Variants in TENM3 observed in about 807,000 individuals in gnomAD.
The protein encoded by TENM3 is teneurin-3.
TENM3 carries 63 observed loss-of-function variants against 255.1 expected under a neutral mutation model. The ratio of observed to expected loss-of-function variants is 0.25; its 90% confidence interval spans 0.20 to 0.30. The LOEUF (loss-of-function observed/expected upper bound fraction) is 0.30, where lower values mean the gene tolerates loss of function less well. TENM3 is among the 10% of genes least tolerant of loss of function. The pLI is 1.00. For synonymous variants in TENM3, 1,306 were observed against 1,322.3 expected, an observed-to-expected ratio of 0.99 and a Z score of 0.27; for missense variants, 2,929 against 3,461.1, an observed-to-expected ratio of 0.85 and a Z score of 3.86.
chr4:182,210,592 C>T (rs1431167564), intron 1 of TENM3, among the ~76,000 whole-genome samples: 5 of 148,266 alleles, frequency 3.4e-5, no homozygotes, highest in Non-Finnish European at 5.9e-5. Context: ...AGAACTGTCT[C>T]GCTGCCTCCA....
the TENM3 span, among the ~76,000 whole-genome samples, chr4:181,465,564 A>G: frequency 6.6e-6 from 1 of 152,246 alleles, no homozygotes; most frequent in African/African-American, 2.4e-5. Flanking sequence ...ATATGCAAAA[A>G]TAGTTACATA....
Position 182,754,361 on chromosome 4 carries a change from C to A in TENM3, c.4018-24C>A. 1 of 1,550,408 alleles carries A rather than the reference C, an allele frequency of 6.4e-7. No individual in the cohort carries two copies. The highest frequency in any genetic ancestry group is 8.7e-7 in the Non-Finnish European group (1 of 1,145,538). On this transcript the variant is annotated intron_variant, in intron 21 of 27. Coordinates refer to ENST00000511685, the MANE Select transcript of TENM3 (RefSeq NM_001080477.4). The surrounding 1 kb of genome is among the most constrained non-coding windows in gnomAD (Gnocchi z 5.1). ...AACTGTAGTGCAGTAACTTACTAAC[C>A]AGGCCATTTCTTTTTTTATTAAGGT...
intron 1 of TENM3, among the ~76,000 whole-genome samples, chr4:182,298,205 A>G (rs1761617710): frequency 6.6e-6 from 1 of 152,226 alleles, no homozygotes; most frequent in South Asian, 2.1e-4. Context: ...CCACTGAACT[A>G]AAAGCTGCAT....
chr4:181,918,449 A>T, the TENM3 span, among the ~76,000 whole-genome samples: 10 of 152,162 alleles, frequency 6.6e-5, no homozygotes, highest in African/African-American at 2.4e-4. Flanking sequence ...AGTCTACAGG[A>T]AGACTATTTT....
chr4:181,696,608 A>G, the TENM3 span, among the ~76,000 whole-genome samples: 1 of 152,222 alleles, frequency 6.6e-6, no homozygotes, highest in African/African-American at 2.4e-5. Flanking sequence ...ACTAGGTAGA[A>G]TGTTCAAGTA....
At position 182,731,031 on chromosome 4, in the gene TENM3, C is replaced by T; in HGVS notation, c.2859C>T (p.Ser953=). 6.2e-7 allele frequency: 1 copy of T among 1,613,940 alleles called. No homozygotes were observed. Among genetic ancestry groups the T allele is most frequent in the Non-Finnish European group, 8.5e-7 (1 of 1,179,860 alleles). The change falls in exon 16 of 28, where the codon AGC becomes AGT. Residue 953 remains serine, a synonymous_variant. Transcript: ENST00000511685. ...AGAAAGAAGAGAATGACATTCCCAG[C>T]TGTGATCTGAGTGGATTCGTGAGGC... is the stretch of plus-strand genomic sequence containing the variant. The part of the protein sequence containing the change: ...VMKKEENDIP[S]CDLSGFVRPN...
At chr4:182,319,096 T>C (rs1762903921) in intron 1 of TENM3, among the ~76,000 whole-genome samples, 1 of 152,212 alleles carries the variant, frequency 6.6e-6, no homozygotes, top group Non-Finnish European at 1.5e-5. Context: ...GTTTGTTTTT[T>C]TGTTTTTTGT....
At chr4:182,725,337 T>G (rs1040765026) in intron 13 of TENM3, among the ~76,000 whole-genome samples, 3 of 152,194 alleles carry the variant, frequency 2.0e-5, no homozygotes, top group African/African-American at 7.2e-5. Flanking sequence ...ATTGTTTTTT[T>G]GAAGCCAGAA....
At chr4:182,471,659 A>T (rs961598766) in intron 3 of TENM3, among the ~76,000 whole-genome samples, 8 of 151,490 alleles carry the variant, frequency 5.3e-5, no homozygotes, top group Non-Finnish European at 1.0e-4. Context: ...GTGTAAGTAT[A>T]TGTTTATAAC....
the TENM3 span, among the ~76,000 whole-genome samples, chr4:181,629,848 TC>T: frequency 6.6e-6 from 1 of 152,226 alleles, no homozygotes; most frequent in Non-Finnish European, 1.5e-5. Context: ...GATGCCGACC[TC>T]ATAAAATGAG....
At chr4:181,747,700 T>A in the TENM3 span, among the ~76,000 whole-genome samples, 1 of 152,050 alleles carries the variant, frequency 6.6e-6, no homozygotes, top group African/African-American at 2.4e-5. Context: ...TCAGTCTTTA[T>A]GACTTGTGAG....
the TENM3 span, among the ~76,000 whole-genome samples, chr4:181,473,981 C>T: frequency 2.0e-5 from 3 of 151,182 alleles, no homozygotes; most frequent in East Asian, 5.8e-4. Flanking sequence ...GTGATGGGCT[C>T]AATTTTAAAA....
chr4:181,828,842 G>A, the TENM3 span, among the ~76,000 whole-genome samples: 1 of 152,018 alleles, frequency 6.6e-6, no homozygotes, highest in East Asian at 1.9e-4. Flanking sequence ...CACTCATCTC[G>A]GCCTCCCAAA....
chr4:181,891,087 A>T, the TENM3 span, among the ~76,000 whole-genome samples: 3 of 152,276 alleles, frequency 2.0e-5, no homozygotes, highest in Admixed American at 1.3e-4. Context: ...CCCTTATGAA[A>T]TTGTCAGACT....
the TENM3 span, among the ~76,000 whole-genome samples, chr4:181,696,790 C>A: frequency 6.6e-6 from 1 of 152,154 alleles, no homozygotes; most frequent in South Asian, 2.1e-4. Context: ...TAGTGAGTTA[C>A]AGGGGCAGAG....
At chr4:181,900,953 G>A in the TENM3 span, among the ~76,000 whole-genome samples, 10 of 152,240 alleles carry the variant, frequency 6.6e-5, no homozygotes, top group Admixed American at 2.0e-4. Flanking sequence ...TCTCATTTCC[G>A]TCATTTTCTC....
intron 3 of TENM3, among the ~76,000 whole-genome samples, chr4:182,565,322 G>C (rs1321248201): frequency 6.6e-6 from 1 of 152,146 alleles, no homozygotes; most frequent in African/African-American, 2.4e-5. Flanking sequence ...TAATAGGTGT[G>C]TTGGCTATAA....
At chr4:182,276,949 G>A (rs1760043440) in intron 1 of TENM3, among the ~76,000 whole-genome samples, 1 of 152,204 alleles carries the variant, frequency 6.6e-6, no homozygotes, top group South Asian at 2.1e-4. Context: ...AACAGAAAGA[G>A]CTGTGTTAAT....
At chr4:181,689,296 T>C in the TENM3 span, among the ~76,000 whole-genome samples, 2 of 152,216 alleles carry the variant, frequency 1.3e-5, no homozygotes, top group Non-Finnish European at 2.9e-5. Flanking sequence ...TAAAATCCAA[T>C]TTCTGACAGT....
Sources: gnomAD v4.1 joint callset for allele counts (sites outside exome capture counted in the v4.1 genomes callset) on GRCh38, gnomAD v4.1.1 for gene constraint, Gnocchi (gnomAD v3.1) non-coding constraint, MANE v1.5 for transcripts, NCBI Gene and HGNC (gene_info 2026-07-23, HGNC 2026-07-21) for gene names.